RPS6KC1: variants seen among roughly 807,000 people sequenced by gnomAD.
RPS6KC1 encodes the protein inactive ribosomal protein S6 kinase delta-1.
Under a neutral mutation model 103.8 loss-of-function variants are expected in RPS6KC1, and 54 were observed. The observed-to-expected ratio is 0.52, with a 90% CI of 0.42 to 0.65. The LOEUF is 0.65. Among genes scored for constraint, RPS6KC1 ranks in the 30% least tolerant of loss-of-function variants. The pLI is 0.00. For missense variants in RPS6KC1, 1,151 were observed against 1,253.8 expected (o/e 0.92, Z 1.24); for synonymous variants, 439 against 438.7 (o/e 1.00, Z -0.01).
At chr1:213,651,218 G>A in the RPS6KC1 span, among the ~76,000 whole-genome samples, 2,789 of 152,222 alleles carry the variant, frequency 0.018, 84 homozygotes, top group African/African-American at 0.064. Context: ...ACAGGGGTGG[G>A]GCAGGCTACA....
the RPS6KC1 span, among the ~76,000 whole-genome samples, chr1:213,427,335 T>A: frequency 6.6e-6 from 1 of 152,162 alleles, no homozygotes; most frequent in African/African-American, 2.4e-5. Context: ...ATCTAAGAAT[T>A]TTTTGTAGGT....
At chr1:213,414,492 G>T in the RPS6KC1 span, among the ~76,000 whole-genome samples, 15 of 152,310 alleles carry the variant, frequency 9.8e-5, no homozygotes, top group Admixed American at 7.8e-4. Context: ...GGCAGAGATT[G>T]GGGTGATGCC....
the RPS6KC1 span, among the ~76,000 whole-genome samples, chr1:213,473,134 T>C: frequency 9.2e-4 from 140 of 152,294 alleles, no homozygotes; most frequent in Middle Eastern, 0.01. Context: ...CAAAGAAAGA[T>C]TGGGCAATGT....
rs200402765 is a variant in RPS6KC1 at position 213,104,531 on chromosome 1, G to C, written c.340G>C (p.Ala114Pro). Reference sequence around the variant, plus strand: ...GCTACAGTTCTCTGCCAATATTCCTGCTCTTTACAATAGTAAACAGCTTGA... The same window carrying C: ...GCTACAGTTCTCTGCCAATATTCCTCCTCTTTACAATAGTAAACAGCTTGA... ...DLLQFSANIP[A>P]LYNSKQLEDF... The change falls in exon 4 of 15, where the codon GCT (alanine) becomes CCT (proline). Residue 114 changes from alanine (A) to proline (P), a missense_variant. By Grantham distance (27) the Ala-to-Pro change is conservative. Transcript: ENST00000366960. 9.1e-5 allele frequency: 146 copies of C among 1,610,902 alleles called. No homozygotes were observed. The highest frequency in any genetic ancestry group is 7.3e-5 in the Non-Finnish European group (86 of 1,177,804).
At chr1:213,370,688 G>A in the RPS6KC1 span, among the ~76,000 whole-genome samples, 8,595 of 152,260 alleles carry the variant, frequency 0.056, 801 homozygotes, top group African/African-American at 0.2. Context: ...ACTGAGGTTC[G>A]AAGAGATGAA....
the RPS6KC1 span, among the ~76,000 whole-genome samples, chr1:213,721,443 T>G: frequency 6.6e-6 from 1 of 152,220 alleles, no homozygotes; most frequent in East Asian, 1.9e-4. Flanking sequence ...AAACCCCTTT[T>G]GTTTGGCTGT....
At chr1:213,429,672 G>A in the RPS6KC1 span, among the ~76,000 whole-genome samples, 3 of 152,168 alleles carry the variant, frequency 2.0e-5, no homozygotes, top group African/African-American at 7.2e-5. Flanking sequence ...ATGAATTCTA[G>A]TCTGAACACC....
At chr1:213,220,163 A>G (rs916744367) in intron 8 of RPS6KC1, among the ~76,000 whole-genome samples, 2 of 112,340 alleles carry the variant, frequency 1.8e-5, no homozygotes, top group South Asian at 6.4e-4. Flanking sequence ...TCAGGTTTAA[A>G]TGTAGGGTAA....
chr1:213,826,773 G>T, the RPS6KC1 span, among the ~76,000 whole-genome samples: 2 of 152,106 alleles, frequency 1.3e-5, no homozygotes, highest in South Asian at 4.1e-4. Flanking sequence ...ACCCTGGGAA[G>T]GGGGGGAAGT....
chr1:213,187,408 A>C, intron 8 of RPS6KC1, among the ~76,000 whole-genome samples: 1 of 151,414 alleles, frequency 6.6e-6, no homozygotes, highest in East Asian at 1.9e-4. Flanking sequence ...CTATGCCTGG[A>C]TAATTTTTGG....
the RPS6KC1 span, among the ~76,000 whole-genome samples, chr1:213,718,641 A>G: frequency 6.6e-6 from 1 of 152,204 alleles, no homozygotes; most frequent in South Asian, 2.1e-4. Context: ...GGCCCAAGGA[A>G]CATTGTTCCT....
chr1:213,767,786 A>G, the RPS6KC1 span, among the ~76,000 whole-genome samples: 1 of 152,220 alleles, frequency 6.6e-6, no homozygotes, highest in Non-Finnish European at 1.5e-5. Context: ...GCCTGGCCAG[A>G]GGCCACGTGG....
At chr1:213,235,431 AT>A (rs1357623824) in intron 10 of RPS6KC1, among the ~76,000 whole-genome samples, 3 of 152,172 alleles carry the variant, frequency 2.0e-5, no homozygotes, top group Admixed American at 2.0e-4. Context: ...ATGGAGAAAA[AT>A]TAAAGGAAAG....
At chr1:213,406,984 G>A in the RPS6KC1 span, among the ~76,000 whole-genome samples, 1 of 152,154 alleles carries the variant, frequency 6.6e-6, no homozygotes, top group Non-Finnish European at 1.5e-5. Flanking sequence ...AGGCCTGGCT[G>A]GAGCATCTCA....
In RPS6KC1 at chr1:213,195,052, G is replaced by A. The variant is rs1573176702; in HGVS notation, c.1044+18560G>A. Among the ~76,000 whole-genome samples, 3 of 152,170 alleles carry A rather than the reference G, an allele frequency of 2.0e-5. No individual in the cohort carries two copies. The South Asian group carries it at 6.2e-4, about 32-fold the overall frequency. On this transcript the variant is annotated intron_variant, in intron 8 of 14. Coordinates refer to ENST00000366960, the MANE Select transcript of RPS6KC1 (RefSeq NM_012424.6). ...GTGTGTGTTAGGGGGTGATTTGCAA[G>A]GGATAGCAGCAGGGAGAGGTTTGTG...
At chr1:213,855,062 G>A in the RPS6KC1 span, among the ~76,000 whole-genome samples, 1 of 152,196 alleles carries the variant, frequency 6.6e-6, no homozygotes, top group Non-Finnish European at 1.5e-5. Flanking sequence ...GCTCTGGTGT[G>A]CCTTCTAATA....
intron 1 of RPS6KC1, among the ~76,000 whole-genome samples, chr1:213,060,254 G>A (rs1381670591): frequency 6.6e-6 from 1 of 152,180 alleles, no homozygotes; most frequent in African/African-American, 2.4e-5. Flanking sequence ...TAACCTGTTA[G>A]GATTATTAAC....
At chr1:213,503,110 CT>C in the RPS6KC1 span, among the ~76,000 whole-genome samples, 2 of 150,994 alleles carry the variant, frequency 1.3e-5, no homozygotes, top group Admixed American at 1.3e-4. Context: ...ACTTCACAAC[CT>C]TTTTTTTTCT....
chr1:213,078,819 G>T (rs530622652), intron 3 of RPS6KC1, among the ~76,000 whole-genome samples: 1 of 152,184 alleles, frequency 6.6e-6, no homozygotes, highest in Non-Finnish European at 1.5e-5. Flanking sequence ...TATGAAAGTA[G>T]TATATGCAAA....
Sources: allele counts gnomAD v4.1 joint callset (sites outside exome capture counted in the v4.1 genomes callset), GRCh38; gene constraint gnomAD v4.1.1; transcripts MANE v1.5; gene names NCBI Gene and HGNC (gene_info 2026-07-23, HGNC 2026-07-21).